Variants in ADTRP observed in about 807,000 individuals in gnomAD.
ADTRP encodes androgen-dependent TFPI-regulating protein.
A neutral mutation model predicts 27.0 loss-of-function variants in ADTRP; 20 were observed. That is an observed-to-expected ratio of 0.74 (90% confidence interval 0.52 to 1.08). The LOEUF is 1.08. ADTRP is among the 50% of genes least tolerant of loss of function. The pLI, the probability that ADTRP is intolerant of heterozygous loss-of-function variation, is 0.00. For missense variants in ADTRP, 251 were observed against 275.0 expected (o/e 0.91, Z 0.62); for synonymous variants, 101 against 105.2 (o/e 0.96, Z 0.25).
At chr6:11,750,095 T>A (rs1762993750) in intron 3 of ADTRP, among the ~76,000 whole-genome samples, 1 of 152,168 alleles carries the variant, frequency 6.6e-6, no homozygotes, top group Non-Finnish European at 1.5e-5. Flanking sequence ...CAGGTGCCAT[T>A]CTGCTTCCAG....
chr6:11,751,503 T>C (rs1188399086), intron 3 of ADTRP, among the ~76,000 whole-genome samples: 1 of 152,190 alleles, frequency 6.6e-6, no homozygotes, highest in Non-Finnish European at 1.5e-5. Flanking sequence ...GGTCACTATC[T>C]GTAGCCCCTC....
At chr6:11,715,186 C>T (rs1761771388) in intron 5 of ADTRP, among the ~76,000 whole-genome samples, 1 of 128,938 alleles carries the variant, frequency 7.8e-6, no homozygotes, top group East Asian at 3.7e-4. Flanking sequence ...GTCAATGCTA[C>T]TTTAAAAACT....
At chr6:11,776,895 C>T (rs1359920500) in intron 1 of ADTRP, among the ~76,000 whole-genome samples, 5 of 152,096 alleles carry the variant, frequency 3.3e-5, no homozygotes, top group Admixed American at 3.3e-4. Flanking sequence ...ACTTTTAGAT[C>T]CAGGTCATGG....
chr6:11,723,042 G>A lies in ADTRP; in HGVS notation c.658+307C>T, dbSNP rs182707012. On this transcript the variant is annotated intron_variant, in intron 5 of 5. Coordinates refer to ENST00000414691, the MANE Select transcript of ADTRP (RefSeq NM_032744.4). Reference sequence around the variant, plus strand: ...ATTTTATTTATTCATGCTAGGGATGGTAATACCTTGTTCTCTAGGTCCTGG... The same window carrying A: ...ATTTTATTTATTCATGCTAGGGATGATAATACCTTGTTCTCTAGGTCCTGG... Among the ~76,000 whole-genome samples the A allele has an allele frequency of 1.6e-3, 238 of 152,300 alleles. 3 individuals are homozygous for A. The highest frequency in any genetic ancestry group is 5.5e-3 in the African/African-American group (229 of 41,560).
At chr6:11,749,373 T>C (rs1759697896) in intron 3 of ADTRP, among the ~76,000 whole-genome samples, 2 of 152,154 alleles carry the variant, frequency 1.3e-5, no homozygotes, top group South Asian at 4.1e-4. Flanking sequence ...GATTCAGAGA[T>C]ACCTACTGAT....
At chr6:11,758,207 T>G (rs1217520944) in intron 3 of ADTRP, among the ~76,000 whole-genome samples, 1 of 152,164 alleles carries the variant, frequency 6.6e-6, no homozygotes, top group Non-Finnish European at 1.5e-5. Context: ...GTTCTTTGAC[T>G]TTTTATATTT....
At chr6:11,744,637 C>T (rs1762813034) in intron 3 of ADTRP, among the ~76,000 whole-genome samples, 2 of 152,160 alleles carry the variant, frequency 1.3e-5, no homozygotes, top group African/African-American at 4.8e-5. Context: ...CCTCCATGCC[C>T]CTCCTCTTCA....
intron 4 of ADTRP, among the ~76,000 whole-genome samples, chr6:11,731,747 T>C (rs977171830): frequency 7.0e-6 from 1 of 142,484 alleles, no homozygotes; most frequent in African/African-American, 2.4e-5. Flanking sequence ...TCCTTTTCTG[T>C]GGCTCCTTGT....
At chr6:11,727,911 GAAGAAGGAAGGAAGGAAGGAAGGACGGA>G (rs528414078) in intron 4 of ADTRP, among the ~76,000 whole-genome samples, 5,536 of 106,820 alleles carry the variant, frequency 0.052, 152 homozygotes, top group Non-Finnish European at 0.08. Context: ...AGAGGGGAAA[GAAGAAGGAAGGAAGGAAGGAAGGACGGA>G]AAGAAGGAAG....
intron 3 of ADTRP, chr6:11,736,487 A>T (rs1188842387): frequency 6.6e-6 from 1 of 152,396 alleles, no homozygotes; most frequent in Non-Finnish European, 1.5e-5. Flanking sequence ...ACTCTCACAC[A>T]CATTCATACA....
At chr6:11,715,806 C>CTTTTTTTTTTTTTT (rs55961408) in intron 5 of ADTRP, among the ~76,000 whole-genome samples, 7 of 77,700 alleles carry the variant, frequency 9.0e-5, no homozygotes, top group Middle Eastern at 7.0e-3. Flanking sequence ...CCATGCCCAG[C>CTTTTTTTTTTTTTT]TTTTTTTTTT....
At chr6:11,770,110 T>A (rs775110997) in intron 1 of ADTRP, 27 of 1,547,902 alleles carry the variant, frequency 1.7e-5, no homozygotes, top group African/African-American at 1.4e-4. Context: ...ATAAAAAAAA[T>A]TATCAGGTTT....
intron 4 of ADTRP, among the ~76,000 whole-genome samples, chr6:11,733,083 C>T (rs1248699983): frequency 4.6e-5 from 7 of 152,166 alleles, no homozygotes; most frequent in Non-Finnish European, 1.0e-4. Flanking sequence ...ATTTAGTTTT[C>T]CAATGCTAAG....
chr6:11,733,927 G>T lies in ADTRP; in HGVS notation c.506+1641C>A, dbSNP rs148277382. 3.6e-3 allele frequency among the ~76,000 whole-genome samples: 554 copies of T among 152,058 alleles called. 2 individuals carry two copies. Among genetic ancestry groups the T allele is most frequent in the Non-Finnish European group, 4.1e-3 (280 of 67,950 alleles). On this transcript the variant is annotated intron_variant, in intron 4 of 5. Coordinates refer to ENST00000414691, the MANE Select transcript of ADTRP (RefSeq NM_032744.4). ...TTTTCATCTTCTTCATCCCCAAAAA[G>T]GAAAAGAAAAACAAGGGTCAGATAT...
intron 1 of ADTRP, chr6:11,770,090 C>T: frequency 6.5e-7 from 1 of 1,545,172 alleles, no homozygotes; most frequent in South Asian, 1.2e-5. Flanking sequence ...TTGAGCTAGA[C>T]TTCGAAAAAA....
At chr6:11,769,674 A>G (rs1190127781) in intron 1 of ADTRP, among the ~76,000 whole-genome samples, 1 of 152,074 alleles carries the variant, frequency 6.6e-6, no homozygotes, top group African/African-American at 2.4e-5. Flanking sequence ...TCACAAAATA[A>G]TCTATACTTA....
intron 3 of ADTRP, among the ~76,000 whole-genome samples, chr6:11,761,972 G>A (rs1355180886): frequency 6.6e-6 from 1 of 152,186 alleles, no homozygotes. Flanking sequence ...AGTTTGCAAT[G>A]CTTGGGATGA....
intron 4 of ADTRP, 53 bp downstream of exon 4, chr6:11,735,515 C>T: frequency 2.2e-6 from 3 of 1,367,426 alleles, no homozygotes; most frequent in Non-Finnish European, 3.1e-6. Context: ...CTGGAACTTC[C>T]CTCAGGGTCT....
Position 11,713,813 on chromosome 6 carries a change from T to C in ADTRP, c.*665A>G, listed in dbSNP as rs1761720391. 1 of 152,264 alleles carries C rather than the reference T, an allele frequency of 6.6e-6. No homozygotes were observed. The highest frequency in any genetic ancestry group is 2.4e-5 in the African/African-American group (1 of 41,452). The allele number at this position is 152,264 out of a possible 1,614,324, so 9.4% of individuals were successfully genotyped here. A position where few individuals can be genotyped will look rare whatever the true frequency, so the allele number is the denominator to read the frequency against. ...AGATTTCCCAGTATTTTTTATAACTTACTTTCCCATTGTCTTCAATTAATT... is the reference window on the plus strand; with the variant it reads ...AGATTTCCCAGTATTTTTTATAACTCACTTTCCCATTGTCTTCAATTAATT... On this transcript the variant is annotated 3_prime_UTR_variant, in exon 6 of 6. Transcript: ENST00000414691.
Sources: allele counts gnomAD v4.1 joint callset (sites outside exome capture counted in the v4.1 genomes callset), GRCh38; gene constraint gnomAD v4.1.1; transcripts MANE v1.5; gene names NCBI Gene and HGNC (gene_info 2026-07-23, HGNC 2026-07-21).